SMAD3: variants seen among roughly 807,000 people sequenced by gnomAD.
SMAD3 encodes MAD homolog 3.
SMAD3 carries 12 observed loss-of-function variants against 51.8 expected under a neutral mutation model. The observed-to-expected ratio is 0.23, with a 90% confidence interval of 0.15 to 0.38. The LOEUF (loss-of-function observed/expected upper bound fraction) is 0.38. Among genes scored for constraint, SMAD3 ranks in the 10% least tolerant of loss-of-function variants. The pLI, the probability that SMAD3 is intolerant of heterozygous loss-of-function variation, is 1.00. For synonymous variants in SMAD3, 238 were observed against 227.7 expected (o/e 1.05, Z -0.41); for missense variants, 294 against 565.6 (o/e 0.52, Z 4.87).
rs1963418488 is a variant in SMAD3, at chr15:67,193,491, A to C, written c.*2955A>C. 1 of 233,722 alleles carries C rather than the reference A, an allele frequency of 4.3e-6. No homozygotes were observed. Among genetic ancestry groups the C allele is most frequent in the African/African-American group, 2.2e-5 (1 of 45,336 alleles). 14.5% of individuals were successfully genotyped at this position (233,722 alleles called of 1,614,324 possible). A position where few individuals can be genotyped will look rare whatever the true frequency, so the allele number is the denominator to read the frequency against. Reference sequence around the variant, plus strand: ...ACTTAGATGCTTCCAGCACATACGTAGGTAGCTACCCCAGCCGGTTTGGAT... The same window carrying C: ...ACTTAGATGCTTCCAGCACATACGTCGGTAGCTACCCCAGCCGGTTTGGAT... On this transcript the variant is annotated 3_prime_UTR_variant, in exon 9 of 9. Coordinates refer to ENST00000327367, the MANE Select transcript of SMAD3 (RefSeq NM_005902.4).
chr15:67,076,197 C>A (rs1198873833), intron 1 of SMAD3, among the ~76,000 whole-genome samples: 1 of 152,180 alleles, frequency 6.6e-6, no homozygotes, highest in African/African-American at 2.4e-5. Flanking sequence ...TAAGGCTTGG[C>A]AGGCTATTGA....
rs540686931 is a variant in SMAD3, at chr15:67,108,365, C to T, written c.206+42005C>T. Among the ~76,000 whole-genome samples, 7 of 152,258 alleles carry T rather than the reference C, an allele frequency of 4.6e-5. No individual in the cohort carries two copies. In the East Asian group the frequency reaches 1.3e-3, roughly 29 times the overall value. ...ATCCCCACTCTGATGATACTAGAAG[C>T]CTGCTTGCCTCCCCACCCTGTGCCA... On this transcript the variant is annotated intron_variant, in intron 1 of 8. Transcript: ENST00000327367.
At chr15:67,137,935 G>A in intron 1 of SMAD3, 4 of 842,244 alleles carry the variant, frequency 4.7e-6, no homozygotes, top group Non-Finnish European at 7.9e-6. Flanking sequence ...GAAAATAGGA[G>A]GTACTAGAAT....
chr15:67,119,945 C>T (rs925711088), intron 1 of SMAD3, among the ~76,000 whole-genome samples: 10 of 152,264 alleles, frequency 6.6e-5, no homozygotes, highest in Middle Eastern at 3.4e-3. Flanking sequence ...TATAGGCACA[C>T]GCTACCACGC....
chr15:67,066,585 G>GCGGCACTCTGGCTTCCACA (rs1959925035), intron 1 of SMAD3, among the ~76,000 whole-genome samples: 1 of 152,228 alleles, frequency 6.6e-6, no homozygotes, highest in Non-Finnish European at 1.5e-5. Context: ...AGGCTTCCAC[G>GCGGCACTCTGGCTTCCACA]CGGCACTCTG....
At chr15:67,122,739 G>A (rs1961293716) in intron 1 of SMAD3, among the ~76,000 whole-genome samples, 1 of 152,128 alleles carries the variant, frequency 6.6e-6, no homozygotes, top group South Asian at 2.1e-4. Flanking sequence ...ATGTAGGGTG[G>A]TAAGGAATAG....
At chr15:67,131,152 G>A (rs978892412) in intron 1 of SMAD3, among the ~76,000 whole-genome samples, 1 of 152,232 alleles carries the variant, frequency 6.6e-6, no homozygotes, top group African/African-American at 2.4e-5. Flanking sequence ...GGAATATCTT[G>A]TCCTACATGC....
intron 1 of SMAD3, among the ~76,000 whole-genome samples, chr15:67,086,894 CT>C (rs35917837): frequency 0.45 from 62,468 of 138,278 alleles, 14,027 homozygotes; most frequent in South Asian, 0.64. Flanking sequence ...ATATCTTCTC[CT>C]TTTTTTTTTT....
intron 1 of SMAD3, among the ~76,000 whole-genome samples, chr15:67,111,623 A>G (rs753912616): frequency 1.3e-5 from 2 of 152,200 alleles, no homozygotes; most frequent in Admixed American, 6.5e-5. Context: ...CCACCAATGT[A>G]TGAGGGTTCC....
intron 1 of SMAD3, chr15:67,138,351 C>G (rs1479420580): frequency 1.1e-5 from 5 of 471,174 alleles, no homozygotes; most frequent in African/African-American, 5.9e-5. Flanking sequence ...TGAACCCCCC[C>G]TCCCCCGGCC....
At chr15:67,152,700 A>C (rs1274848131) in intron 1 of SMAD3, among the ~76,000 whole-genome samples, 3 of 152,178 alleles carry the variant, frequency 2.0e-5, no homozygotes, top group Non-Finnish European at 1.5e-5. Flanking sequence ...AAGCCTGGCA[A>C]CTTTTCCCTT....
chr15:67,086,191 C>G (rs970154818), intron 1 of SMAD3, among the ~76,000 whole-genome samples: 1 of 152,138 alleles, frequency 6.6e-6, no homozygotes, highest in Non-Finnish European at 1.5e-5. Flanking sequence ...TTAGCCAACT[C>G]CAGCATACCT....
At chr15:67,188,535 A>G (rs1333539056) in intron 8 of SMAD3, among the ~76,000 whole-genome samples, 1 of 152,202 alleles carries the variant, frequency 6.6e-6, no homozygotes, top group Non-Finnish European at 1.5e-5. Flanking sequence ...TAGAGAATCC[A>G]GTCCCTTTTC....
At chr15:67,091,998 G>A (rs1461209478) in intron 1 of SMAD3, among the ~76,000 whole-genome samples, 1 of 152,168 alleles carries the variant, frequency 6.6e-6, no homozygotes, top group Non-Finnish European at 1.5e-5. Flanking sequence ...GCCCAGGGTT[G>A]GGGTCACCAG....
At chr15:67,127,197 C>T (rs1216192718) in intron 1 of SMAD3, among the ~76,000 whole-genome samples, 1 of 152,212 alleles carries the variant, frequency 6.6e-6, no homozygotes, top group African/African-American at 2.4e-5. Flanking sequence ...CAGGGCCAGG[C>T]TCATGAATGG....
At chr15:67,144,463 A>G (rs1011127976) in intron 1 of SMAD3, among the ~76,000 whole-genome samples, 15 of 152,200 alleles carry the variant, frequency 9.9e-5, no homozygotes, top group Non-Finnish European at 1.8e-4. Context: ...GTGCTTTGAA[A>G]GAAATTTGTT....
intron 1 of SMAD3, among the ~76,000 whole-genome samples, chr15:67,094,502 C>T (rs1345069082): frequency 2.6e-5 from 4 of 152,122 alleles, no homozygotes; most frequent in Non-Finnish European, 4.4e-5. Flanking sequence ...CCAGGCAGGA[C>T]GGGGTGTGAT....
intron 6 of SMAD3, among the ~76,000 whole-genome samples, 156 bp downstream of exon 6, chr15:67,181,609 C>T (rs538222600): frequency 6.6e-6 from 1 of 151,838 alleles, no homozygotes; most frequent in East Asian, 1.9e-4. Flanking sequence ...GACTCACTGC[C>T]CCAGCAAGTC....
At chr15:67,072,155 G>A (rs1215654289) in intron 1 of SMAD3, among the ~76,000 whole-genome samples, 1 of 152,108 alleles carries the variant, frequency 6.6e-6, no homozygotes, top group African/African-American at 2.4e-5. Flanking sequence ...ATAAATATTG[G>A]TTTAATAATG....
Sources: allele counts gnomAD v4.1 joint callset (sites outside exome capture counted in the v4.1 genomes callset), GRCh38; gene constraint gnomAD v4.1.1; transcripts MANE v1.5; gene names NCBI Gene and HGNC (gene_info 2026-07-23, HGNC 2026-07-21).